TENM3: variants seen among roughly 807,000 people sequenced by gnomAD.
The protein encoded by TENM3 is teneurin-3.
In TENM3, 63 loss-of-function variants were observed where a neutral mutation model predicts 255.1. The ratio of observed to expected loss-of-function variants is 0.25; its 90% CI spans 0.20 to 0.30. TENM3 has a LOEUF of 0.30. Ranked by LOEUF, TENM3 falls within the 10% of genes least tolerant of loss-of-function variation. The pLI is 1.00. For synonymous variants in TENM3, 1,306 were observed against 1,322.3 expected (o/e 0.99, Z 0.27); for missense variants, 2,929 against 3,461.1 (o/e 0.85, Z 3.86).
At chr4:181,901,155 G>A in the TENM3 span, among the ~76,000 whole-genome samples, 13 of 152,142 alleles carry the variant, frequency 8.5e-5, no homozygotes, top group African/African-American at 3.1e-4. Context: ...ATGGTGTGAG[G>A]TGCCCCAAGT....
At chr4:181,538,291 C>A in the TENM3 span, among the ~76,000 whole-genome samples, 2 of 152,144 alleles carry the variant, frequency 1.3e-5, no homozygotes, top group African/African-American at 4.8e-5. Flanking sequence ...CCAGAATAAG[C>A]TGAAATCCTT....
At chr4:182,542,621 C>T (rs1740997158) in intron 3 of TENM3, among the ~76,000 whole-genome samples, 1 of 152,130 alleles carries the variant, frequency 6.6e-6, no homozygotes, top group Non-Finnish European at 1.5e-5. Context: ...AAACTCTCTA[C>T]TTTCAAAGGG....
chr4:182,748,594 C>G (rs1204733188), intron 19 of TENM3, among the ~76,000 whole-genome samples: 6 of 152,180 alleles, frequency 3.9e-5, no homozygotes, highest in Non-Finnish European at 5.9e-5. Context: ...TTCACTGCCA[C>G]CAGTCTGTCA....
chr4:181,632,152 G>A, the TENM3 span, among the ~76,000 whole-genome samples: 2 of 152,100 alleles, frequency 1.3e-5, no homozygotes, highest in Admixed American at 6.6e-5. Context: ...TACATGGCTG[G>A]GGAGGCCTCA....
At chr4:182,142,754 C>T (rs1749550934), upstream of TENM3, 1 of 164,572 alleles carries the variant, frequency 6.1e-6, no homozygotes, top group Non-Finnish European at 1.5e-5. Context: ...ACTGCTGGTC[C>T]CAGGAGAGGG....
At chr4:181,950,214 T>G in the TENM3 span, among the ~76,000 whole-genome samples, 1 of 152,068 alleles carries the variant, frequency 6.6e-6, no homozygotes, top group Admixed American at 6.6e-5. Flanking sequence ...ACTGAGCACC[T>G]TACGACCCCC....
intron 1 of TENM3, among the ~76,000 whole-genome samples, chr4:182,191,357 C>A (rs1312751469): frequency 6.6e-6 from 1 of 152,272 alleles, no homozygotes; most frequent in South Asian, 2.1e-4. Flanking sequence ...CACTCTTTGC[C>A]TTTTCTCCGG....
chr4:181,703,238 T>C, the TENM3 span, among the ~76,000 whole-genome samples: 18 of 152,290 alleles, frequency 1.2e-4, no homozygotes, highest in East Asian at 3.5e-3. Flanking sequence ...TGGTTTCAGA[T>C]GTGGGAGTCG....
At chr4:181,920,002 C>T in the TENM3 span, among the ~76,000 whole-genome samples, 2 of 149,366 alleles carry the variant, frequency 1.3e-5, no homozygotes, top group South Asian at 2.1e-4. Context: ...TTTGTTCTTG[C>T]GATAGTTTAC....
intron 3 of TENM3, among the ~76,000 whole-genome samples, chr4:182,502,910 CTTTTTTTTTTT>C (rs10671906): frequency 2.6e-5 from 2 of 77,370 alleles, no homozygotes; most frequent in African/African-American, 6.2e-5. Context: ...TGAAGTCAGC[CTTTTTTTTTTT>C]TTTTTTTTTT....
the TENM3 span, among the ~76,000 whole-genome samples, chr4:182,057,817 C>G: frequency 1.3e-5 from 2 of 151,982 alleles, no homozygotes; most frequent in Non-Finnish European, 2.9e-5. Context: ...TGAGAAGCGT[C>G]CTTCACCTCA....
intron 3 of TENM3, among the ~76,000 whole-genome samples, chr4:182,504,573 A>G (rs184202808): frequency 8.2e-4 from 125 of 152,374 alleles, no homozygotes; most frequent in African/African-American, 2.8e-3. Flanking sequence ...TTGAAAAAGT[A>G]ACATAATAGT....
At chr4:182,664,173 G>A (rs1754453397) in intron 6 of TENM3, among the ~76,000 whole-genome samples, 1 of 152,210 alleles carries the variant, frequency 6.6e-6, no homozygotes, top group South Asian at 2.1e-4. Context: ...CGTCAAGCAA[G>A]TCTATCGGCA....
At chr4:182,081,837 A>G in the TENM3 span, 1 of 152,202 alleles carries the variant, frequency 6.6e-6, no homozygotes, top group Non-Finnish European at 1.5e-5. Flanking sequence ...CTAGGCGAAA[A>G]AAAAAATGTT....
chr4:182,589,937 C>T (rs754164900), intron 3 of TENM3, among the ~76,000 whole-genome samples: 9 of 152,080 alleles, frequency 5.9e-5, no homozygotes, highest in Non-Finnish European at 1.2e-4. Context: ...GAGATCGCAC[C>T]GCTGCACGCC....
rs74556571 is a variant in TENM3, at chr4:182,156,362, C to T, written c.-76+11608C>T. ...TTTCTTTTCTTTTTTTGAATAATTTCGACTTTCATTTTAGATTCAGGGGTG... is the reference window on the plus strand; with the variant it reads ...TTTCTTTTCTTTTTTTGAATAATTTTGACTTTCATTTTAGATTCAGGGGTG... On this transcript the variant is annotated intron_variant, in intron 1 of 2. Transcript: ENST00000512480. 7.3e-3 allele frequency among the ~76,000 whole-genome samples: 1,112 copies of T among 151,928 alleles called. 9 individuals carry two copies. Among genetic ancestry groups the T allele is most frequent in the African/African-American group, 0.025 (1,031 of 41,408 alleles).
At chr4:182,560,013 T>C (rs1742984868) in intron 3 of TENM3, among the ~76,000 whole-genome samples, 1 of 151,980 alleles carries the variant, frequency 6.6e-6, no homozygotes, top group South Asian at 2.1e-4. Context: ...TATCAAAATA[T>C]CTTCTCATGT....
chr4:182,784,904 T>C (rs1243247616), intron 24 of TENM3, among the ~76,000 whole-genome samples: 2 of 152,150 alleles, frequency 1.3e-5, no homozygotes, highest in African/African-American at 4.8e-5. Context: ...TGCCTCGCCC[T>C]GCTTCGGCTC....
chr4:182,442,557 T>A, intron 3 of TENM3, among the ~76,000 whole-genome samples: 1 of 152,194 alleles, frequency 6.6e-6, no homozygotes. Context: ...TCAAAGATTT[T>A]TGACATTCAA....
Sources: gnomAD v4.1 joint callset for allele counts (sites outside exome capture counted in the v4.1 genomes callset) on GRCh38, gnomAD v4.1.1 for gene constraint, MANE v1.5 for transcripts, NCBI Gene and HGNC (gene_info 2026-07-23, HGNC 2026-07-21) for gene names.